NUP107: variants seen among roughly 807,000 people sequenced by gnomAD.
The protein encoded by NUP107 is nucleoporin 107.
NUP107 carries 101 observed loss-of-function variants against 141.0 expected under a neutral mutation model. That is an observed-to-expected ratio of 0.72 (90% CI 0.61 to 0.84). NUP107 has a LOEUF of 0.84. Ranked by LOEUF, NUP107 falls within the 40% of genes least tolerant of loss-of-function variation. NUP107 has a pLI of 0.00. For missense variants in NUP107, 941 were observed against 1,102.7 expected, an observed-to-expected ratio of 0.85 and a Z score of 2.08; for synonymous variants, 319 against 363.9, an observed-to-expected ratio of 0.88 and a Z score of 1.41.
At chr12:68,708,257 G>T (rs912704542) in intron 8 of NUP107, among the ~76,000 whole-genome samples, 1 of 151,888 alleles carries the variant, frequency 6.6e-6, no homozygotes, top group Non-Finnish European at 1.5e-5. Context: ...AACTTATGAG[G>T]ATATATATAT....
At chr12:68,689,785 G>C (rs919860727) in intron 3 of NUP107, 166 bp downstream of exon 3, 10 of 556,148 alleles carry the variant, frequency 1.8e-5, no homozygotes, top group Non-Finnish European at 2.8e-5. Flanking sequence ...ACAAGGTACT[G>C]TACTTTCCAT....
chr12:68,706,737 G>A (rs1481215058), intron 8 of NUP107: 33 of 757,202 alleles, frequency 4.4e-5, no homozygotes, highest in East Asian at 1.5e-4. Context: ...CGGCAGCTGC[G>A]GGAGTACCAG....
intron 10 of NUP107, among the ~76,000 whole-genome samples, chr12:68,710,819 A>G (rs1876818194): frequency 6.6e-6 from 1 of 152,130 alleles, no homozygotes; most frequent in African/African-American, 2.4e-5. Flanking sequence ...TATATGGGAG[A>G]ACATGTGTAG....
At chr12:68,729,952 T>A (rs932344925) in intron 20 of NUP107, among the ~76,000 whole-genome samples, 5 of 150,942 alleles carry the variant, frequency 3.3e-5, no homozygotes, top group Admixed American at 1.3e-4. Context: ...AATATATATA[T>A]ATTTAAATTA....
At position 68,721,178 on chromosome 12, in the gene NUP107, G is replaced by A. The variant is rs775190270; in HGVS notation, c.1311+1G>A. The stretch of plus-strand genomic sequence containing the variant: ...AGCTTTAAGTGGGAATCTTAAGCAG[G>A]TATGCAATCTGTTTTAATGTTTAAA... On this transcript the variant is annotated splice_donor_variant, in intron 15 of 27. Coordinates refer to ENST00000229179, the MANE Select transcript of NUP107 (RefSeq NM_020401.4). LOFTEE classifies it high-confidence loss of function. 6.3e-7 allele frequency: 1 copy of A among 1,599,352 alleles called. No individual in the cohort carries two copies. The highest frequency in any genetic ancestry group is 1.1e-5 in the South Asian group (1 of 89,740).
At chr12:68,717,911 T>C (rs1877182378) in intron 12 of NUP107, among the ~76,000 whole-genome samples, 1 of 152,232 alleles carries the variant, frequency 6.6e-6, no homozygotes, top group Non-Finnish European at 1.5e-5. Flanking sequence ...GTTAGGGGTA[T>C]GATATTCTTT....
In NUP107 at chr12:68,725,736, G is replaced by C; in HGVS notation, c.1516G>C (p.Glu506Gln). Residue 506 changes from glutamate to glutamine, a missense_variant, in exon 18 of 28, where the codon GAA becomes CAA. Coordinates refer to ENST00000229179, the MANE Select transcript of NUP107 (RefSeq NM_020401.4). ...AAAACTTTTTTTTCAGAGAGTTCTG[G>C]AAGAGAATCAAGAACATTATCATAT... is the stretch of plus-strand genomic sequence containing the variant. ...LQATDKKRVL[E>Q]ENQEHYHIVQ... 1 of 1,520,172 alleles carries C rather than the reference G, an allele frequency of 6.6e-7. No individual in the cohort carries two copies. Among genetic ancestry groups the C allele is most frequent in the South Asian group, 1.2e-5 (1 of 83,098 alleles). 94.2% of individuals were successfully genotyped at this position (1,520,172 alleles called of 1,614,324 possible). A position where few individuals can be genotyped will look rare whatever the true frequency, so the allele number is the denominator to read the frequency against.
intron 20 of NUP107, among the ~76,000 whole-genome samples, chr12:68,727,941 C>T (rs1877633918): frequency 6.6e-6 from 1 of 152,086 alleles, no homozygotes; most frequent in African/African-American, 2.4e-5. Flanking sequence ...CTCAACTGTA[C>T]TGTATTCTTA....
chr12:68,706,404 A>G (rs1286079619), intron 8 of NUP107: 29 of 1,030,884 alleles, frequency 2.8e-5, no homozygotes, highest in Non-Finnish European at 6.1e-6. Context: ...CTGGACATGA[A>G]CAGCATCATC....
At chr12:68,695,174 AT>A (rs1314789526) in intron 5 of NUP107, among the ~76,000 whole-genome samples, 2 of 152,262 alleles carry the variant, frequency 1.3e-5, no homozygotes, top group African/African-American at 4.8e-5. Context: ...ATTGGTTGGA[AT>A]GTAAAATAGT....
intron 1 of NUP107, chr12:68,687,507 C>T: frequency 1.0e-6 from 1 of 1,003,598 alleles, no homozygotes; most frequent in Non-Finnish European, 1.2e-6. Context: ...ACTGTGCTAG[C>T]CGCCTACAAC....
chr12:68,745,059 A>G lies in NUP107; in HGVS notation c.*2597A>G, dbSNP rs1878472605. 1 of 152,178 alleles carries G rather than the reference A, an allele frequency of 6.6e-6. No homozygotes were observed. The highest frequency in any genetic ancestry group is 1.5e-5 in the Non-Finnish European group (1 of 68,018). The allele number at this position is 152,178 out of a possible 1,614,324, so 9.4% of individuals were successfully genotyped here. A position where few individuals can be genotyped will look rare whatever the true frequency, so the allele number is the denominator to read the frequency against. On this transcript the variant is annotated 3_prime_UTR_variant, in exon 28 of 28. Coordinates refer to ENST00000229179, the MANE Select transcript of NUP107 (RefSeq NM_020401.4). Reference sequence around the variant, plus strand: ...TTGGAACAGGCATGTCCTGGGTGTGAAAGTTTTAATTTCCCTACCTCATTT... The same window carrying G: ...TTGGAACAGGCATGTCCTGGGTGTGGAAGTTTTAATTTCCCTACCTCATTT...
intron 7 of NUP107, among the ~76,000 whole-genome samples, chr12:68,702,325 A>C (rs1040129669): frequency 6.6e-6 from 1 of 151,836 alleles, no homozygotes; most frequent in African/African-American, 2.4e-5. Flanking sequence ...GGGTTTCACT[A>C]TGTTGGCCAG....
At chr12:68,705,088 A>C (rs577731540) in intron 8 of NUP107, among the ~76,000 whole-genome samples, 1 of 151,866 alleles carries the variant, frequency 6.6e-6, no homozygotes, top group Admixed American at 6.6e-5. Context: ...GTGTCTTACT[A>C]TGTTGCCCAG....
At chr12:68,735,494 T>C (rs934158027) in intron 26 of NUP107, 150 bp downstream of exon 26, 2 of 606,046 alleles carry the variant, frequency 3.3e-6, no homozygotes, top group Non-Finnish European at 6.0e-6. Flanking sequence ...CTGAAAATAC[T>C]ACCTAGGGAA....
At chr12:68,725,594 C>CTAAG (rs1877524369) in intron 17 of NUP107, 133 bp from the exon 18 acceptor site, 1 of 577,162 alleles carries the variant, frequency 1.7e-6, no homozygotes, top group African/African-American at 2.0e-5. Flanking sequence ...TTTGATCTTT[C>CTAAG]TAAGGCCCTT....
At position 68,742,407 on chromosome 12, in the gene NUP107, C is replaced by T; in HGVS notation, c.2723C>T (p.Ser908Phe). Residue 908 changes from serine to phenylalanine, a missense_variant, in exon 28 of 28, where the codon TCT becomes TTT. Transcript: ENST00000229179. ...TTGCTGCAGAAGCTCAGAGAGTCCT[C>T]TCTAATGCTCCTAGACCAGGGACTT... Reference protein sequence around the residue: ...RKLLQKLRESSLMLLDQGLDP... With the variant: ...RKLLQKLRESFLMLLDQGLDP... 6.2e-7 allele frequency: 1 copy of T among 1,612,092 alleles called. No homozygotes were observed. The highest frequency in any genetic ancestry group is 8.5e-7 in the Non-Finnish European group (1 of 1,178,660).
chr12:68,689,174 T>G lies in NUP107; in HGVS notation c.100+121T>G, dbSNP rs182003286. ...TATAATAAAATCCTGTAGAAACTTT[T>G]TTTCACTCCACAGAGCTGTCATTTG... On this transcript the variant is annotated intron_variant, in intron 2 of 27. Coordinates refer to ENST00000229179, the MANE Select transcript of NUP107 (RefSeq NM_020401.4). 189 of 649,720 alleles carry G rather than the reference T, an allele frequency of 2.9e-4. No individual in the cohort carries two copies. The African/African-American group carries it at 3.3e-3, about 11-fold the overall frequency. 40.2% of individuals were successfully genotyped at this position (649,720 alleles called of 1,614,324 possible).
chr12:68,687,344 C>T, intron 1 of NUP107: 2 of 758,432 alleles, frequency 2.6e-6, no homozygotes, highest in Non-Finnish European at 3.7e-6. Context: ...CTGTTCGCTC[C>T]TGGGGTGGGC....
Sources: allele counts gnomAD v4.1 joint callset (sites outside exome capture counted in the v4.1 genomes callset), GRCh38; gene constraint gnomAD v4.1.1; transcripts MANE v1.5; gene names NCBI Gene and HGNC (gene_info 2026-07-23, HGNC 2026-07-21).